Variants in PARD3B observed in about 807,000 individuals in gnomAD.
PARD3B encodes partitioning defective 3 homolog B.
PARD3B carries 103 observed loss-of-function variants against 130.2 expected under a neutral mutation model. The ratio of observed to expected loss-of-function variants is 0.79; its 90% CI spans 0.67 to 0.93. PARD3B has a LOEUF of 0.93. Ranked by LOEUF, PARD3B falls within the 40% of genes least tolerant of loss-of-function variation. PARD3B has a pLI of 0.00. For synonymous variants in PARD3B, 583 were observed against 553.2 expected, an observed-to-expected ratio of 1.05 and a Z score of -0.76; for missense variants, 1,609 against 1,499.2, an observed-to-expected ratio of 1.07 and a Z score of -1.21.
At chr2:204,682,696 G>A (rs972132888) in intron 1 of PARD3B, among the ~76,000 whole-genome samples, 1 of 152,110 alleles carries the variant, frequency 6.6e-6, no homozygotes, top group Non-Finnish European at 1.5e-5. Flanking sequence ...TTGGGACCTC[G>A]CTGCCATTGC....
In PARD3B at chr2:205,499,935, G is replaced by A. The variant is rs752006803; in HGVS notation, c.3084G>A (p.Lys1028=). ...GTGGAAGCACTGACCGTATCCAGAA[G>A]TTGCGGAAAGAGTATTATCAGGCTC... ...PTGGSTDRIQ[K]LRKEYYQARR... is the part of the protein sequence containing the mutation. The change falls in exon 21 of 23, where the codon AAG becomes AAA. Residue 1028 remains lysine (K), a synonymous_variant. Coordinates refer to ENST00000406610, the MANE Select transcript of PARD3B (RefSeq NM_001302769.2). 17 of 1,613,876 alleles carry A rather than the reference G, an allele frequency of 1.1e-5. No individual in the cohort carries two copies. In the East Asian group the frequency reaches 3.3e-4, roughly 32 times the overall value.
At chr2:205,450,826 A>G (rs531006776) in intron 20 of PARD3B, among the ~76,000 whole-genome samples, 20 of 152,278 alleles carry the variant, frequency 1.3e-4, no homozygotes, top group African/African-American at 4.6e-4. Flanking sequence ...AAGTGAAGAG[A>G]GCATTCATTA....
chr2:204,982,855 T>C (rs1438609638), intron 3 of PARD3B, among the ~76,000 whole-genome samples: 1 of 152,234 alleles, frequency 6.6e-6, no homozygotes, highest in African/African-American at 2.4e-5. Flanking sequence ...TATGAATTTG[T>C]AGTATACTCT....
intron 20 of PARD3B, among the ~76,000 whole-genome samples, chr2:205,444,934 A>T (rs1403264647): frequency 6.6e-6 from 1 of 152,008 alleles, no homozygotes; most frequent in African/African-American, 2.4e-5. Context: ...GAACAGTTTT[A>T]GTAGCTAAGT....
rs1448312442 is a variant in PARD3B, at chr2:205,263,678, G to A, written c.2185+17856G>A. 7.9e-5 allele frequency among the ~76,000 whole-genome samples: 12 copies of A among 151,038 alleles called. 1 individual carries two copies. The East Asian group carries it at 1.2e-3, about 15-fold the overall frequency. ...AGTGGGTTAAGCAGAACTTTTTAGA[G>A]CACTAAAACCAGGAAGTACAAAAAA... On this transcript the variant is annotated intron_variant, in intron 16 of 22. Transcript: ENST00000406610. This position sits in a 1 kb window ranked among gnomAD's most constrained non-coding sequence, Gnocchi z 4.0.
In PARD3B at chr2:204,675,698, C is replaced by T. The variant is rs1431764211; in HGVS notation, c.121-10483C>T. Among the ~76,000 whole-genome samples, 3 of 152,034 alleles carry T rather than the reference C, an allele frequency of 2.0e-5. No homozygotes were observed. Among genetic ancestry groups the T allele is most frequent in the Admixed American group, 2.0e-4 (3 of 15,262 alleles). ...CTGAGATTATAGTTACTTCACAAAG[C>T]TGAATGAAAGTGACATGGGTTAATT... On this transcript the variant is annotated intron_variant, in intron 1 of 22. Transcript: ENST00000406610. The surrounding 1 kb of genome is among the most constrained non-coding windows in gnomAD (Gnocchi z 4.4).
intron 2 of PARD3B, among the ~76,000 whole-genome samples, chr2:204,901,455 A>C (rs891931345): frequency 6.6e-6 from 1 of 151,598 alleles, no homozygotes; most frequent in Admixed American, 6.6e-5. Context: ...GCTTATGGTA[A>C]ATGCTACCAG....
intron 15 of PARD3B, among the ~76,000 whole-genome samples, chr2:205,224,316 A>G (rs763501421): frequency 2.0e-4 from 28 of 138,018 alleles, no homozygotes; most frequent in Non-Finnish European, 3.7e-4. Context: ...GCTTGCAGTG[A>G]GCGGAGACAG....
intron 2 of PARD3B, among the ~76,000 whole-genome samples, chr2:204,831,148 G>A (rs2043802724): frequency 6.6e-6 from 1 of 151,944 alleles, no homozygotes; most frequent in African/African-American, 2.4e-5. Context: ...TGTTTTCTTA[G>A]ATACTATGTT....
chr2:205,454,613 C>T (rs981671882), intron 20 of PARD3B, among the ~76,000 whole-genome samples: 12 of 152,108 alleles, frequency 7.9e-5, no homozygotes, highest in African/African-American at 2.9e-4. Context: ...CTCAGCCTCT[C>T]ACTCTCCAAA....
At chr2:205,180,704 AT>A (rs1408690573) in intron 13 of PARD3B, among the ~76,000 whole-genome samples, 1 of 146,846 alleles carries the variant, frequency 6.8e-6, no homozygotes, top group Non-Finnish European at 1.5e-5. Flanking sequence ...CTTGGTTTTT[AT>A]TTTTTTTATT....
At chr2:205,346,089 T>C (rs1297704884) in intron 18 of PARD3B, among the ~76,000 whole-genome samples, 1 of 146,688 alleles carries the variant, frequency 6.8e-6, no homozygotes, top group Non-Finnish European at 1.5e-5. Flanking sequence ...GGGAAATCTC[T>C]TGAACTCGGG....
intron 1 of PARD3B, among the ~76,000 whole-genome samples, chr2:204,616,376 A>G (rs1664858664): frequency 6.6e-6 from 1 of 152,202 alleles, no homozygotes; most frequent in South Asian, 2.1e-4. Context: ...GATGATCCAC[A>G]TCATATGTCA....
chr2:205,426,015 G>C lies in PARD3B; in HGVS notation c.2742-14355G>C, dbSNP rs544554921. Among the ~76,000 whole-genome samples, 418 of 152,144 alleles carry C rather than the reference G, an allele frequency of 2.7e-3. 2 individuals are homozygous for C. Among genetic ancestry groups the C allele is most frequent in the Non-Finnish European group, 5.2e-3 (352 of 67,996 alleles). ...TGTATTATTTTTTTATTTATATCAA[G>C]AAAAGTGATAAATTATCCCATCAAT... is the stretch of plus-strand genomic sequence containing the variant. On this transcript the variant is annotated intron_variant, in intron 19 of 22. Coordinates refer to ENST00000406610, the MANE Select transcript of PARD3B (RefSeq NM_001302769.2).
At chr2:204,649,828 C>T (rs1339287008) in intron 1 of PARD3B, among the ~76,000 whole-genome samples, 1 of 152,124 alleles carries the variant, frequency 6.6e-6, no homozygotes, top group Non-Finnish European at 1.5e-5. Flanking sequence ...ACAACCTAGG[C>T]AATACTGCTC....
Position 205,183,374 on chromosome 2 carries a change from T to C in PARD3B, c.1925-2390T>C, listed in dbSNP as rs2125780435. Among the ~76,000 whole-genome samples, 1 of 152,174 alleles carries C rather than the reference T, an allele frequency of 6.6e-6. No individual in the cohort carries two copies. Among genetic ancestry groups the C allele is most frequent in the African/African-American group, 2.4e-5 (1 of 41,546 alleles). On this transcript the variant is annotated intron_variant, in intron 13 of 22. Transcript: ENST00000406610. This position sits in a 1 kb window ranked among gnomAD's most constrained non-coding sequence, Gnocchi z 5.2. ...GGAAGATGGACTGAGAGGTTGAGGA[T>C]AGAAGATGAGAGCCAACAGAAAGGA...
rs1388841027 is a variant in PARD3B at position 204,610,112 on chromosome 2, A to G, written c.120+63993A>G. 1.3e-5 allele frequency among the ~76,000 whole-genome samples: 2 copies of G among 152,022 alleles called. No homozygotes were observed. The highest frequency in any genetic ancestry group is 2.9e-5 in the Non-Finnish European group (2 of 67,986). On this transcript the variant is annotated intron_variant, in intron 1 of 22. Coordinates refer to ENST00000406610, the MANE Select transcript of PARD3B (RefSeq NM_001302769.2). This position sits in a 1 kb window ranked among gnomAD's most constrained non-coding sequence, Gnocchi z 4.1. Reference sequence around the variant, plus strand: ...GCTGGCCAGTTATGCCTAAACTCCCAGAGAGAAGAGGTTTAAGGAGGTTTG... The same window carrying G: ...GCTGGCCAGTTATGCCTAAACTCCCGGAGAGAAGAGGTTTAAGGAGGTTTG...
chr2:205,394,581 C>G (rs1317056092), intron 18 of PARD3B, among the ~76,000 whole-genome samples: 1 of 152,120 alleles, frequency 6.6e-6, no homozygotes, highest in Non-Finnish European at 1.5e-5. Context: ...AAGATGGAGA[C>G]AACCCCAAAT....
chr2:205,001,985 A>G (rs1283481671), intron 3 of PARD3B, among the ~76,000 whole-genome samples: 1 of 152,248 alleles, frequency 6.6e-6, no homozygotes, highest in Non-Finnish European at 1.5e-5. Context: ...TTATGGATTA[A>G]ATTTAGGAAG....
Sources: allele counts gnomAD v4.1 joint callset (sites outside exome capture counted in the v4.1 genomes callset), GRCh38; gene constraint gnomAD v4.1.1; non-coding constraint Gnocchi (gnomAD v3.1); transcripts MANE v1.5; gene names NCBI Gene and HGNC (gene_info 2026-07-23, HGNC 2026-07-21).